The following GLIS3 variants were observed in gnomAD, a reference collection of about 807,000 sequenced individuals.
GLIS3 encodes the protein zinc finger protein GLIS3.
A neutral mutation model predicts 78.6 loss-of-function variants in GLIS3; 53 were observed. The observed-to-expected ratio is 0.67, with a 90% confidence interval of 0.54 to 0.85. GLIS3 has a LOEUF of 0.85. GLIS3 is among the 40% of genes least tolerant of loss of function. The probability of loss-of-function intolerance (pLI) is 0.00; values close to 1 mark genes in which losing one functional copy is unlikely to be tolerated. For missense variants in GLIS3, 1,703 were observed against 1,231.1 expected (o/e 1.38, Z -5.74); for synonymous variants, 684 against 509.9 (o/e 1.34, Z -4.60).
chr9:3,937,049 G>A lies in GLIS3; in HGVS notation c.1851C>T (p.His617=), dbSNP rs1205662157. Residue 617 remains histidine (H), a synonymous_variant, in exon 5 of 11, where the codon CAC becomes CAT. Transcript: ENST00000381971. Reference sequence around the variant, plus strand: ...TTACGGTGTCCAGATGCGTCCGCTGGTGTTTGGCGCGGTCACTGGAGTTAC... The same window carrying A: ...TTACGGTGTCCAGATGCGTCCGCTGATGTTTGGCGCGGTCACTGGAGTTAC... ...AFSNSSDRAK[H]QRTHLDTKPY... is the part of the protein sequence containing the mutation. 3 of 1,613,174 alleles carry A rather than the reference G, an allele frequency of 1.9e-6. No individual in the cohort carries two copies. Among genetic ancestry groups the A allele is most frequent in the African/African-American group, 2.7e-5 (2 of 75,006 alleles).
chr9:4,087,196 G>A (rs1312964174), intron 4 of GLIS3, among the ~76,000 whole-genome samples: 2 of 152,174 alleles, frequency 1.3e-5, no homozygotes, highest in East Asian at 3.8e-4. Flanking sequence ...AATACTAGGT[G>A]ATTATGGTCA....
At chr9:4,449,074 G>A in the GLIS3 span, among the ~76,000 whole-genome samples, 1 of 152,178 alleles carries the variant, frequency 6.6e-6, no homozygotes, top group Non-Finnish European at 1.5e-5. Flanking sequence ...GCCAAGGGAA[G>A]CTGTGACAGA....
intron 2 of GLIS3, among the ~76,000 whole-genome samples, chr9:4,257,682 C>A (rs7854267): frequency 2.6e-5 from 4 of 151,364 alleles, no homozygotes; most frequent in South Asian, 4.2e-4. Flanking sequence ...CAGGCCATTC[C>A]CCTGCCTCAG....
At chr9:4,288,425 G>C (rs937578092) in intron 1 of GLIS3, among the ~76,000 whole-genome samples, 1 of 152,138 alleles carries the variant, frequency 6.6e-6, no homozygotes, top group African/African-American at 2.4e-5. Flanking sequence ...TAAGACCATG[G>C]TCCAAGTGAC....
chr9:4,426,971 G>A, the GLIS3 span, among the ~76,000 whole-genome samples: 1 of 152,228 alleles, frequency 6.6e-6, no homozygotes, highest in Non-Finnish European at 1.5e-5. Context: ...TAGAGTGGAT[G>A]AGGACAGAGA....
In GLIS3 at chr9:3,853,728, A is replaced by G. The variant is rs907876676; in HGVS notation, c.2473+2281T>C. Among the ~76,000 whole-genome samples the G allele has an allele frequency of 3.9e-5, 6 of 152,334 alleles. No homozygotes were observed. The South Asian group carries it at 1.2e-3, about 32-fold the overall frequency. ...TGGTCTAATTTCAAAACACTTTTTA[A>G]AGATTTCTTTAGAGAAAAAAGAAGA... On this transcript the variant is annotated intron_variant, in intron 9 of 10. Coordinates refer to ENST00000381971, the MANE Select transcript of GLIS3 (RefSeq NM_001042413.2).
chr9:4,302,539 A>T (rs1480966186), upstream of GLIS3, among the ~76,000 whole-genome samples: 1 of 152,244 alleles, frequency 6.6e-6, no homozygotes, highest in African/African-American at 2.4e-5. Context: ...CCCTCAAGAA[A>T]TGGGGACTCT....
At chr9:4,334,858 C>A (rs558307822) in intron 2 of GLIS3, among the ~76,000 whole-genome samples, 1 of 152,010 alleles carries the variant, frequency 6.6e-6, no homozygotes, top group Non-Finnish European at 1.5e-5. Flanking sequence ...TCTCTTCAAC[C>A]CACAACTACA....
intron 2 of GLIS3, among the ~76,000 whole-genome samples, chr9:4,246,840 G>C (rs561596259): frequency 1.3e-5 from 2 of 152,068 alleles, no homozygotes; most frequent in Admixed American, 6.6e-5. Flanking sequence ...TGTTTCATTG[G>C]TTTTTATGAA....
chr9:3,967,040 A>AAATTTTG (rs1226736845), intron 4 of GLIS3, among the ~76,000 whole-genome samples: 1 of 129,628 alleles, frequency 7.7e-6, no homozygotes, highest in African/African-American at 2.7e-5. Context: ...AAAACAAAAA[A>AAATTTTG]ACATTTTGAG....
intron 7 of GLIS3, among the ~76,000 whole-genome samples, chr9:3,882,801 C>T (rs184680365): frequency 6.6e-6 from 1 of 152,320 alleles, no homozygotes; most frequent in East Asian, 1.9e-4. Context: ...AAATGTACTT[C>T]TTATCTAGGG....
intron 2 of GLIS3, among the ~76,000 whole-genome samples, chr9:4,342,427 G>T (rs1029421186): frequency 6.6e-6 from 1 of 152,090 alleles, no homozygotes; most frequent in Non-Finnish European, 1.5e-5. Context: ...TTTATTTCTG[G>T]GTTCTCTATT....
At chr9:4,079,486 G>T (rs543788560) in intron 4 of GLIS3, among the ~76,000 whole-genome samples, 9 of 152,170 alleles carry the variant, frequency 5.9e-5, no homozygotes, top group Non-Finnish European at 1.2e-4. Context: ...TCATCCCACT[G>T]ATAAGATTCT....
the GLIS3 span, among the ~76,000 whole-genome samples, chr9:4,485,080 T>TC: frequency 2.0e-5 from 3 of 151,812 alleles, no homozygotes; most frequent in Non-Finnish European, 4.4e-5. Flanking sequence ...AGTGGAGCCA[T>TC]CTCGGCTCAC....
intron 4 of GLIS3, among the ~76,000 whole-genome samples, chr9:4,063,108 A>G (rs1184704967): frequency 6.6e-6 from 1 of 152,114 alleles, no homozygotes; most frequent in Non-Finnish European, 1.5e-5. Context: ...ACAATGCACA[A>G]AGAAAAATGT....
At position 4,306,434 on chromosome 9, in the gene GLIS3, G is replaced by A. The variant is rs575061324; in HGVS notation, n.584+2343C>T. Among the ~76,000 whole-genome samples, 27 of 152,260 alleles carry A rather than the reference G, an allele frequency of 1.8e-4. No individual in the cohort carries two copies. The East Asian group carries it at 4.0e-3, about 23-fold the overall frequency. On this transcript the variant is annotated intron_variant and non_coding_transcript_variant, in intron 4 of 4. Coordinates refer to the GLIS3 transcript ENST00000471664. ...CAGACCAGCTAGTCAACCCTGTGAGGGTCAGATAGAGTAGTTTATCCATTT... is the reference window on the plus strand; with the variant it reads ...CAGACCAGCTAGTCAACCCTGTGAGAGTCAGATAGAGTAGTTTATCCATTT...
chr9:4,336,484 C>A (rs911797151), intron 2 of GLIS3, among the ~76,000 whole-genome samples: 1 of 139,936 alleles, frequency 7.1e-6, no homozygotes, highest in Non-Finnish European at 1.5e-5. Flanking sequence ...CCTGAGGGCA[C>A]TGATACATGT....
rs561126136 is a variant in GLIS3, at chr9:4,014,317, C to T, written c.1711-77128G>A. On this transcript the variant is annotated intron_variant, in intron 4 of 10. Transcript: ENST00000381971. Reference sequence around the variant, plus strand: ...TTGTACTGGGCTAAATGGTGTCCACCCCCTCCCTACCACTGCCAAAGTTCA... The same window carrying T: ...TTGTACTGGGCTAAATGGTGTCCACTCCCTCCCTACCACTGCCAAAGTTCA... 4.6e-5 allele frequency among the ~76,000 whole-genome samples: 7 copies of T among 152,214 alleles called. No homozygotes were observed. In the East Asian group the frequency reaches 1.4e-3, roughly 29 times the overall value.
chr9:4,244,476 G>C (rs1823613023), intron 2 of GLIS3, among the ~76,000 whole-genome samples: 1 of 152,118 alleles, frequency 6.6e-6, no homozygotes, highest in Non-Finnish European at 1.5e-5. Flanking sequence ...TGTTTATTCT[G>C]AAAACTACAT....
Sources: gnomAD v4.1 joint callset for allele counts (sites outside exome capture counted in the v4.1 genomes callset) on GRCh38, gnomAD v4.1.1 for gene constraint, MANE v1.5 for transcripts, NCBI Gene and HGNC (gene_info 2026-07-23, HGNC 2026-07-21) for gene names.